The following WSB2 variants were observed in gnomAD, a reference collection of about 807,000 sequenced individuals.
The protein encoded by WSB2 is WD repeat and SOCS box containing 2, also known as WD repeat and SOCS box-containing protein 2.
A neutral mutation model predicts 48.8 loss-of-function variants in WSB2; 12 were observed. The observed-to-expected ratio is 0.25, with a 90% CI of 0.16 to 0.40. The LOEUF (loss-of-function observed/expected upper bound fraction) is 0.40. WSB2 is among the 10% of genes least tolerant of loss of function. WSB2 has a pLI of 1.00. For missense variants in WSB2, 317 were observed against 506.2 expected (o/e 0.63, Z 3.59); for synonymous variants, 191 against 203.1 (o/e 0.94, Z 0.51).
chr12:118,035,305 C>G lies in WSB2; in HGVS notation c.853G>C (p.Ala285Pro), dbSNP rs781441613. Residue 285 changes from alanine to proline, a missense_variant, in exon 7 of 9, where the codon GCC becomes CCC. Ala to Pro is a conservative substitution (Grantham distance 27). Around this residue, in one of 2 missense-constraint regions of WSB2, gnomAD observed 189 missense variants for 349.6 expected, o/e 0.54. Transcript: ENST00000315436. ...RSLHHTQVDP[A>P]MDDSDVHISS... ...ATGTGGACGTCACTGTCATCCATGG[C>G]GGGGTCAACCTGGGTGTGGCTGGGA... The G allele has an allele frequency of 1.2e-6, 2 of 1,614,092 alleles. No homozygotes were observed. Among genetic ancestry groups the G allele is most frequent in the Non-Finnish European group, 1.7e-6 (2 of 1,180,014 alleles).
intron 5 of WSB2, among the ~76,000 whole-genome samples, chr12:118,037,693 G>A (rs921835527): frequency 4.4e-4 from 65 of 147,746 alleles, no homozygotes; most frequent in Non-Finnish European, 7.8e-4. Context: ...GAAAAGAAAA[G>A]AAAAGAAAAC....
chr12:118,043,093 C>G, intron 3 of WSB2, 40 bp downstream of exon 3: 2 of 1,613,988 alleles, frequency 1.2e-6, no homozygotes, highest in Non-Finnish European at 1.7e-6. Context: ...AACATGCACC[C>G]GAGCCTCCCA....
intron 2 of WSB2, among the ~76,000 whole-genome samples, chr12:118,046,999 G>A (rs1434573635): frequency 6.6e-6 from 1 of 151,984 alleles, no homozygotes; most frequent in Non-Finnish European, 1.5e-5. Flanking sequence ...ACTAAATCCT[G>A]GCCTCAAGCA....
chr12:118,033,381 A>G lies in WSB2; in HGVS notation c.*815T>C, dbSNP rs979809608. The G allele has an allele frequency of 3.3e-5, 5 of 152,628 alleles. No individual in the cohort carries two copies. Among genetic ancestry groups the G allele is most frequent in the Admixed American group, 2.6e-4 (4 of 15,276 alleles). The allele number at this position is 152,628 out of a possible 1,614,324, so 9.5% of individuals were successfully genotyped here. ...CTATGGTTTTTAGATAATCGAGAAA[A>G]ACACAGTTGTACCTTAACATCTGTT... On this transcript the variant is annotated 3_prime_UTR_variant, in exon 9 of 9. Transcript: ENST00000315436.
intron 1 of WSB2, among the ~76,000 whole-genome samples, chr12:118,054,936 TG>T (rs1413768100): frequency 6.7e-6 from 1 of 150,128 alleles, no homozygotes; most frequent in Non-Finnish European, 1.5e-5. Flanking sequence ...CCTAGCACTT[TG>T]GTAGGCCGAG....
At chr12:118,045,355 A>G (rs1371116685) in intron 2 of WSB2, among the ~76,000 whole-genome samples, 2 of 141,234 alleles carry the variant, frequency 1.4e-5, no homozygotes, top group Non-Finnish European at 1.5e-5. Context: ...ACAGAGCAAG[A>G]CTCCATCTCA....
At chr12:118,053,054 TCA>T (rs1282383057) in intron 1 of WSB2, among the ~76,000 whole-genome samples, 1 of 152,120 alleles carries the variant, frequency 6.6e-6, no homozygotes, top group East Asian at 1.9e-4. Context: ...TCATCTCATC[TCA>T]CCCAGATCTT....
intron 4 of WSB2, among the ~76,000 whole-genome samples, chr12:118,039,667 C>T (rs1233784580): frequency 6.6e-6 from 1 of 152,052 alleles, no homozygotes; most frequent in East Asian, 1.9e-4. Context: ...TGTTATACGC[C>T]TGTACATGGT....
At position 118,033,806 on chromosome 12, in the gene WSB2, GT is replaced by G; in HGVS notation, c.*389del. 1 of 228,236 alleles carries G rather than the reference GT, an allele frequency of 4.4e-6. No homozygotes were observed. The highest frequency in any genetic ancestry group is 6.8e-5 in the South Asian group (1 of 14,736). 14.1% of individuals were successfully genotyped at this position (228,236 alleles called of 1,614,324 possible). On this transcript the variant is annotated 3_prime_UTR_variant, in exon 9 of 9. Coordinates refer to ENST00000315436, the MANE Select transcript of WSB2 (RefSeq NM_018639.5). ...GGATAGGTACTAGGCAGAAGCCATC[GT>G]TCCCAGCGGAGGGAGTGTGAGCTGC...
chr12:118,041,940 G>A (rs984920732), intron 4 of WSB2, among the ~76,000 whole-genome samples: 1 of 151,906 alleles, frequency 6.6e-6, no homozygotes, highest in African/African-American at 2.4e-5. Context: ...TTTTTTAGTA[G>A]AGATGGGGTT....
rs1164608843 is a variant in WSB2 at position 118,060,222 on chromosome 12, G to GACAC, written c.13+810_13+813dup. ...GGGGTTTTTTTCCCCTTGCATAAGA[G>GACAC]ACACACCTTTCCCACTGAGATTTTA... is the stretch of plus-strand genomic sequence containing the variant. On this transcript the variant is annotated intron_variant, in intron 1 of 8. Coordinates refer to ENST00000315436, the MANE Select transcript of WSB2 (RefSeq NM_018639.5). The surrounding 1 kb of genome is among the most constrained non-coding windows in gnomAD (Gnocchi z 4.1). Among the ~76,000 whole-genome samples, 1 of 152,162 alleles carries GACAC rather than the reference G, an allele frequency of 6.6e-6. No individual in the cohort carries two copies. Among genetic ancestry groups the GACAC allele is most frequent in the Non-Finnish European group, 1.5e-5 (1 of 68,022 alleles).
intron 1 of WSB2, among the ~76,000 whole-genome samples, chr12:118,054,360 C>A (rs1446730124): frequency 6.6e-6 from 1 of 151,348 alleles, no homozygotes; most frequent in Admixed American, 6.6e-5. Flanking sequence ...CACTGCACTC[C>A]AGCCTGGGTG....
intron 2 of WSB2, among the ~76,000 whole-genome samples, chr12:118,044,563 G>T: frequency 6.6e-6 from 1 of 152,160 alleles, no homozygotes; most frequent in African/African-American, 2.4e-5. Flanking sequence ...GGATCAAACA[G>T]CAAGGTAGTC....
chr12:118,043,028 G>A, intron 3 of WSB2, 56 bp from the exon 4 acceptor site: 1 of 1,613,602 alleles, frequency 6.2e-7, no homozygotes, highest in Non-Finnish European at 8.5e-7. Context: ...AGGTGTGCCT[G>A]CCACGGCCAC....
At chr12:118,050,550 G>A (rs774804277) in intron 2 of WSB2, among the ~76,000 whole-genome samples, 4 of 151,730 alleles carry the variant, frequency 2.6e-5, no homozygotes, top group Non-Finnish European at 5.9e-5. Context: ...AGGGCAGGAG[G>A]ATAGCTTGAG....
At chr12:118,048,642 A>G (rs2031790707) in intron 2 of WSB2, among the ~76,000 whole-genome samples, 1 of 152,164 alleles carries the variant, frequency 6.6e-6, no homozygotes. Context: ...TAACATATGA[A>G]ACAATAACAC....
intron 4 of WSB2, among the ~76,000 whole-genome samples, chr12:118,039,434 C>T (rs904311171): frequency 3.3e-5 from 5 of 152,086 alleles, no homozygotes; most frequent in Admixed American, 6.6e-5. Flanking sequence ...AGGGAAAAAT[C>T]GTGAAGATGT....
chr12:118,061,857 G>T (rs1005769242), upstream of WSB2, among the ~76,000 whole-genome samples: 4 of 150,170 alleles, frequency 2.7e-5, no homozygotes, highest in African/African-American at 9.8e-5. Context: ...AAATGGGGAG[G>T]GGGTGGAAGG....
At chr12:118,043,102 C>G in intron 3 of WSB2, 31 bp downstream of exon 3, 1 of 1,614,110 alleles carries the variant, frequency 6.2e-7, no homozygotes, top group Non-Finnish European at 8.5e-7. Context: ...CCGAGCCTCC[C>G]AGAACCTTGT....
Sources: allele counts gnomAD v4.1 joint callset (sites outside exome capture counted in the v4.1 genomes callset), GRCh38; gene constraint gnomAD v4.1.1; regional missense constraint gnomAD v4.1.1; non-coding constraint Gnocchi (gnomAD v3.1); transcripts MANE v1.5; gene names NCBI Gene and HGNC (gene_info 2026-07-23, HGNC 2026-07-21).